The following EYS variants were observed in gnomAD, a reference collection of about 807,000 sequenced individuals.
The protein encoded by EYS is protein eyes shut homolog.
Under a neutral mutation model 282.1 loss-of-function variants are expected in EYS, and 250 were observed. That is an observed-to-expected ratio of 0.89 (90% confidence interval 0.80 to 0.98). The LOEUF (loss-of-function observed/expected upper bound fraction) is 0.98, where lower values mean the gene tolerates loss of function less well. EYS is among the 50% of genes least tolerant of loss of function. EYS has a pLI of 0.00. For synonymous variants in EYS, 1,355 were observed against 1,282.9 expected, an observed-to-expected ratio of 1.06 and a Z score of -1.20; for missense variants, 4,016 against 3,709.0, an observed-to-expected ratio of 1.08 and a Z score of -2.15.
Position 64,503,177 on chromosome 6 carries a change from G to A in EYS, c.5645-63825C>T, listed in dbSNP as rs1403414181. Among the ~76,000 whole-genome samples the A allele has an allele frequency of 7.9e-5, 12 of 152,174 alleles. No homozygotes were observed. In the East Asian group the frequency reaches 1.4e-3, roughly 17 times the overall value. On this transcript the variant is annotated intron_variant, in intron 26 of 42. Transcript: ENST00000503581. ...TTAATTTAATAGTCAATATGAAATC[G>A]TTTTACAAAGTAAGCCAGTTTCTTC...
chr6:65,082,674 T>C (rs1396601577), intron 12 of EYS, among the ~76,000 whole-genome samples: 1 of 152,030 alleles, frequency 6.6e-6, no homozygotes, highest in Non-Finnish European at 1.5e-5. Context: ...TGCATAAAAG[T>C]TTATTTTGAT....
chr6:65,554,163 C>T (rs1223153305), intron 2 of EYS, among the ~76,000 whole-genome samples: 1 of 152,264 alleles, frequency 6.6e-6, no homozygotes, highest in African/African-American at 2.4e-5. Flanking sequence ...GTCTTCTAGC[C>T]TCTGGAACTG....
intron 8 of EYS, among the ~76,000 whole-genome samples, chr6:65,380,563 A>C (rs1443635756): frequency 6.6e-6 from 1 of 152,180 alleles, no homozygotes; most frequent in Non-Finnish European, 1.5e-5. Flanking sequence ...AGGCATGGGC[A>C]AGTACTTCAT....
intron 13 of EYS, among the ~76,000 whole-genome samples, chr6:65,026,108 A>G (rs915738480): frequency 2.0e-5 from 3 of 152,174 alleles, no homozygotes; most frequent in African/African-American, 7.2e-5. Context: ...CCTCTCTTAC[A>G]GATTGAAAAA....
intron 15 of EYS, among the ~76,000 whole-genome samples, chr6:64,927,113 T>G (rs1249380384): frequency 6.6e-6 from 1 of 152,146 alleles, no homozygotes; most frequent in Non-Finnish European, 1.5e-5. Context: ...TGATTCTGCA[T>G]GAAAATTGAA....
chr6:65,587,651 C>T (rs1411042021), intron 2 of EYS, among the ~76,000 whole-genome samples: 5 of 152,042 alleles, frequency 3.3e-5, no homozygotes, highest in Admixed American at 3.3e-4. Context: ...TGAGAATGGA[C>T]TTACACGAAA....
At chr6:64,181,533 T>G (rs1006262362) in intron 31 of EYS, among the ~76,000 whole-genome samples, 1 of 152,110 alleles carries the variant, frequency 6.6e-6, no homozygotes, top group African/African-American at 2.4e-5. Flanking sequence ...TATTAACTTT[T>G]CTTTATTACA....
chr6:64,451,306 C>G (rs1775329262), intron 26 of EYS, among the ~76,000 whole-genome samples: 1 of 152,072 alleles, frequency 6.6e-6, no homozygotes, highest in Non-Finnish European at 1.5e-5. Flanking sequence ...AAGACTAAAC[C>G]AGGAAGAAGT....
At chr6:63,923,295 CA>C (rs1405600117) in intron 35 of EYS, among the ~76,000 whole-genome samples, 1 of 151,940 alleles carries the variant, frequency 6.6e-6, no homozygotes. Flanking sequence ...ACATTTTATG[CA>C]AATATGCCAT....
At chr6:65,369,747 A>C (rs1466924260) in intron 8 of EYS, among the ~76,000 whole-genome samples, 4 of 151,560 alleles carry the variant, frequency 2.6e-5, no homozygotes, top group African/African-American at 9.7e-5. Flanking sequence ...TTCTATAGCC[A>C]AACGCCAGTA....
Position 65,466,035 on chromosome 6 carries a change from A to G in EYS, c.862+24559T>C, listed in dbSNP as rs1764987351. Among the ~76,000 whole-genome samples the G allele has an allele frequency of 2.6e-5, 4 of 152,172 alleles. No individual in the cohort carries two copies. In the South Asian group the frequency reaches 8.3e-4, roughly 31 times the overall value. On this transcript the variant is annotated intron_variant, in intron 5 of 42. Coordinates refer to ENST00000503581, the MANE Select transcript of EYS (RefSeq NM_001142800.2). Reference sequence around the variant, plus strand: ...AGAGAAAGAAAATTCTACAATTTTGAGAAAGAAGAAATGTTAATGGGACAG... The same window carrying G: ...AGAGAAAGAAAATTCTACAATTTTGGGAAAGAAGAAATGTTAATGGGACAG...
At chr6:65,514,754 T>C (rs1767053095) in intron 2 of EYS, among the ~76,000 whole-genome samples, 1 of 152,186 alleles carries the variant, frequency 6.6e-6, no homozygotes, top group African/African-American at 2.4e-5. Flanking sequence ...AAGCTGAAAC[T>C]GGATCCCTTC....
chr6:65,571,061 T>G (rs1350728021), intron 2 of EYS, among the ~76,000 whole-genome samples: 1 of 152,048 alleles, frequency 6.6e-6, no homozygotes, highest in Non-Finnish European at 1.5e-5. Context: ...AGAATATATA[T>G]TACACATATT....
intron 13 of EYS, among the ~76,000 whole-genome samples, chr6:65,011,259 C>T (rs1289270949): frequency 2.6e-5 from 4 of 152,120 alleles, no homozygotes; most frequent in African/African-American, 4.8e-5. Context: ...TTTACTGGAC[C>T]GGGCCTTTTC....
chr6:64,702,241 C>G (rs1432313716), intron 22 of EYS, among the ~76,000 whole-genome samples: 1 of 151,950 alleles, frequency 6.6e-6, no homozygotes, highest in East Asian at 1.9e-4. Context: ...AAAGAAGTTT[C>G]ACACCCTTTC....
intron 31 of EYS, among the ~76,000 whole-genome samples, chr6:64,210,254 G>A (rs986019908): frequency 3.3e-5 from 5 of 152,152 alleles, no homozygotes; most frequent in African/African-American, 4.8e-5. Context: ...CTGCCATAGC[G>A]AGTTATGTTA....
chr6:65,524,005 G>A (rs1037254539), intron 2 of EYS, among the ~76,000 whole-genome samples: 2 of 152,160 alleles, frequency 1.3e-5, no homozygotes, highest in African/African-American at 4.8e-5. Flanking sequence ...CCGAGTAGCT[G>A]GGATTACAGA....
At chr6:65,405,127 T>TA (rs765177583) in intron 6 of EYS, 47 bp downstream of exon 6, 70 of 1,375,078 alleles carry the variant, frequency 5.1e-5, no homozygotes, top group Non-Finnish European at 6.1e-5. Flanking sequence ...TTGGTAATAG[T>TA]AAAAAAAATT....
At chr6:64,103,530 A>G (rs1772904460) in intron 31 of EYS, among the ~76,000 whole-genome samples, 1 of 152,160 alleles carries the variant, frequency 6.6e-6, no homozygotes, top group South Asian at 2.1e-4. Context: ...AGGTACATTG[A>G]GAAAAGTCTG....
Sources: gnomAD v4.1 joint callset for allele counts (sites outside exome capture counted in the v4.1 genomes callset) on GRCh38, gnomAD v4.1.1 for gene constraint, MANE v1.5 for transcripts, NCBI Gene and HGNC (gene_info 2026-07-23, HGNC 2026-07-21) for gene names.